TFB1M: variants seen among roughly 807,000 people sequenced by gnomAD.
TFB1M encodes transcription factor B1, mitochondrial.
A neutral mutation model predicts 31.1 loss-of-function variants in TFB1M; 27 were observed. That is an observed-to-expected ratio of 0.87 (90% CI 0.64 to 1.20). The LOEUF (loss-of-function observed/expected upper bound fraction) is 1.20, where lower values mean the gene tolerates loss of function less well. TFB1M is among the 50% of genes most tolerant of loss of function. TFB1M has a pLI of 0.00. For missense variants in TFB1M, 394 were observed against 418.7 expected (o/e 0.94, Z 0.51); for synonymous variants, 166 against 151.8 (o/e 1.09, Z -0.69).
At chr6:155,246,784 A>G in the TFB1M span, among the ~76,000 whole-genome samples, 5 of 152,220 alleles carry the variant, frequency 3.3e-5, no homozygotes, top group African/African-American at 1.2e-4. Flanking sequence ...GGGTCCTGTC[A>G]CCACCTACTT....
At chr6:155,295,988 G>A (rs1777151634) in intron 4 of TFB1M, among the ~76,000 whole-genome samples, 1 of 151,998 alleles carries the variant, frequency 6.6e-6, no homozygotes, top group Non-Finnish European at 1.5e-5. Flanking sequence ...ACCAAGGGAT[G>A]GCTGTATACT....
chr6:155,258,251 GC>G (rs1291259796), intron 6 of TFB1M, among the ~76,000 whole-genome samples, 169 bp from the exon 7 acceptor site: 1 of 152,206 alleles, frequency 6.6e-6, no homozygotes, highest in East Asian at 1.9e-4. Context: ...AAGAGGCACG[GC>G]CCGCCACTGA....
chr6:155,262,039 C>A (rs1263999279), intron 5 of TFB1M, among the ~76,000 whole-genome samples: 1 of 152,220 alleles, frequency 6.6e-6, no homozygotes, highest in Non-Finnish European at 1.5e-5. Context: ...TCCTACAGGA[C>A]TTCCCTTAGA....
At chr6:155,270,676 C>T (rs1429343022) in intron 5 of TFB1M, among the ~76,000 whole-genome samples, 2 of 152,140 alleles carry the variant, frequency 1.3e-5, no homozygotes, top group Non-Finnish European at 2.9e-5. Flanking sequence ...CTTCCTTATG[C>T]TAGAGGTTAG....
At chr6:155,297,145 A>C in intron 3 of TFB1M, 41 bp from the exon 4 acceptor site, 1 of 1,595,188 alleles carries the variant, frequency 6.3e-7, no homozygotes, top group South Asian at 1.1e-5. Flanking sequence ...GATTCCATCA[A>C]TATATTCTGA....
intron 5 of TFB1M, among the ~76,000 whole-genome samples, chr6:155,269,140 T>C (rs112209867): frequency 1.5e-3 from 232 of 151,914 alleles, no homozygotes; most frequent in African/African-American, 4.7e-3. Context: ...GCTTATAAAC[T>C]ACCAAGAGAG....
chr6:155,290,563 A>G (rs1776870748), intron 4 of TFB1M, among the ~76,000 whole-genome samples: 1 of 152,082 alleles, frequency 6.6e-6, no homozygotes, highest in Admixed American at 6.6e-5. Context: ...TCATGCTAAA[A>G]TTGAACTAAA....
chr6:155,257,186 AT>A lies in TFB1M; in HGVS notation c.*649del. On this transcript the variant is annotated 3_prime_UTR_variant, in exon 7 of 7. Transcript: ENST00000367166. ...CTTTTAAACTGGTGGTAAAGTGGAA[AT>A]TGCAAAAAAAAAAAAAAAAAAAAAC... is the stretch of plus-strand genomic sequence containing the variant. 4 of 852,266 alleles carry A rather than the reference AT, an allele frequency of 4.7e-6. No individual in the cohort carries two copies. The highest frequency in any genetic ancestry group is 1.8e-5 in the South Asian group (1 of 56,206). 52.8% of individuals were successfully genotyped at this position (852,266 alleles called of 1,614,324 possible). A position where few individuals can be genotyped will look rare whatever the true frequency, so the allele number is the denominator to read the frequency against.
chr6:155,272,480 C>T (rs1281745192), intron 5 of TFB1M, among the ~76,000 whole-genome samples: 1 of 151,602 alleles, frequency 6.6e-6, no homozygotes, highest in Non-Finnish European at 1.5e-5. Flanking sequence ...TACATGCGAC[C>T]CCTCCCCTCT....
downstream of TFB1M, chr6:155,252,836 G>A: frequency 1.1e-6 from 1 of 920,962 alleles, no homozygotes; most frequent in Non-Finnish European, 1.7e-6. Flanking sequence ...CACCCACATG[G>A]CTGCTCGGAG....
intron 2 of TFB1M, among the ~76,000 whole-genome samples, chr6:155,300,756 T>C (rs1777388463): frequency 6.6e-6 from 1 of 152,154 alleles, no homozygotes. Flanking sequence ...AAAGCTAATA[T>C]AATATAAATA....
chr6:155,254,538 C>G, downstream of TFB1M: 1 of 1,613,550 alleles, frequency 6.2e-7, no homozygotes, highest in Non-Finnish European at 8.5e-7. Context: ...CGCCTGGTAC[C>G]TCTTAAGAAC....
intron 4 of TFB1M, among the ~76,000 whole-genome samples, chr6:155,287,551 A>T (rs867961722): frequency 2.8e-4 from 41 of 147,626 alleles, no homozygotes; most frequent in Admixed American, 8.7e-4. Context: ...ATTTACTCTG[A>T]GTGTGTGTGT....
chr6:155,235,682 G>A, the TFB1M span, among the ~76,000 whole-genome samples: 3 of 152,198 alleles, frequency 2.0e-5, no homozygotes, highest in East Asian at 5.8e-4. Flanking sequence ...CAGCTAAAAT[G>A]TTAAGTGTAC....
At chr6:155,246,069 G>GT in the TFB1M span, among the ~76,000 whole-genome samples, 6,894 of 142,094 alleles carry the variant, frequency 0.049, 473 homozygotes, top group African/African-American at 0.16. Flanking sequence ...ATGCTATGGT[G>GT]TTTTTTTTTT....
At chr6:155,275,605 T>G in intron 5 of TFB1M, 1 of 1,141,970 alleles carries the variant, frequency 8.8e-7, no homozygotes, top group Non-Finnish European at 1.3e-6. Context: ...GGTTTTGCCT[T>G]TTTTCCTTAG....
At chr6:155,292,349 A>G (rs1776967709) in intron 4 of TFB1M, among the ~76,000 whole-genome samples, 1 of 152,210 alleles carries the variant, frequency 6.6e-6, no homozygotes, top group South Asian at 2.1e-4. Flanking sequence ...CTGAGGTAGC[A>G]AAAGGGTCCC....
chr6:155,265,421 C>T (rs1319419905), intron 5 of TFB1M, among the ~76,000 whole-genome samples: 3 of 152,062 alleles, frequency 2.0e-5, no homozygotes, highest in South Asian at 2.1e-4. Context: ...AATTATCAAA[C>T]GGACTAGACA....
At chr6:155,278,179 C>G (rs1785308804) in intron 5 of TFB1M, among the ~76,000 whole-genome samples, 1 of 152,174 alleles carries the variant, frequency 6.6e-6, no homozygotes, top group Non-Finnish European at 1.5e-5. Context: ...CTGCACTCCT[C>G]CCAGCCTCAC....
Sources: gnomAD v4.1 joint callset for allele counts (sites outside exome capture counted in the v4.1 genomes callset) on GRCh38, gnomAD v4.1.1 for gene constraint, MANE v1.5 for transcripts, NCBI Gene and HGNC (gene_info 2026-07-23, HGNC 2026-07-21) for gene names.